Variants in CENPU observed in about 807,000 individuals in gnomAD.
CENPU encodes KSHV latent nuclear antigen interacting protein 1.
CENPU carries 46 observed loss-of-function variants against 56.7 expected under a neutral mutation model. The observed-to-expected ratio is 0.81, with a 90% confidence interval of 0.64 to 1.04. The LOEUF is 1.04. Ranked by LOEUF, CENPU falls within the 50% of genes least tolerant of loss-of-function variation. The pLI is 0.00. For synonymous variants in CENPU, 166 were observed against 163.0 expected, an observed-to-expected ratio of 1.02 and a Z score of -0.14; for missense variants, 510 against 490.1, an observed-to-expected ratio of 1.04 and a Z score of -0.38.
intron 4 of CENPU, among the ~76,000 whole-genome samples, chr4:184,721,509 A>G (rs148638058): frequency 2.0e-5 from 3 of 152,070 alleles, no homozygotes; most frequent in African/African-American, 7.2e-5. Context: ...TACAAGAAAC[A>G]CATTTCACCT....
intron 5 of CENPU, among the ~76,000 whole-genome samples, chr4:184,716,924 T>C (rs1021838921): frequency 1.4e-4 from 22 of 152,340 alleles, no homozygotes; most frequent in Admixed American, 1.2e-3. Context: ...ACCTCTTTAA[T>C]GAAAAACACT....
intron 4 of CENPU, among the ~76,000 whole-genome samples, chr4:184,719,074 CAGGAG>C (rs1447382093): frequency 2.6e-5 from 4 of 152,032 alleles, no homozygotes; most frequent in Non-Finnish European, 4.4e-5. Context: ...AAGAAAAAAA[CAGGAG>C]AGGAAACAGC....
intron 7 of CENPU, chr4:184,710,439 T>C (rs1760883855): frequency 6.5e-6 from 2 of 309,616 alleles, no homozygotes; most frequent in Non-Finnish European, 5.9e-6. Flanking sequence ...TGCCTTTTAA[T>C]CACCTTACTG....
chr4:184,699,442 G>C (rs1760456514), intron 11 of CENPU: 1 of 558,326 alleles, frequency 1.8e-6, no homozygotes, highest in Non-Finnish European at 3.0e-6. Flanking sequence ...TATCTCATAG[G>C]ACTGTGATGA....
chr4:184,698,648 C>T (rs1176019338), intron 11 of CENPU, among the ~76,000 whole-genome samples: 1 of 152,160 alleles, frequency 6.6e-6, no homozygotes, highest in Non-Finnish European at 1.5e-5. Flanking sequence ...CGGGGTTTCA[C>T]CATGTTGGCC....
Position 184,725,046 on chromosome 4 carries a change from G to A in CENPU, c.231C>T (p.Ser77=). 2 of 1,607,804 alleles carry A rather than the reference G, an allele frequency of 1.2e-6. No individual in the cohort carries two copies. Among genetic ancestry groups the A allele is most frequent in the Non-Finnish European group, 1.7e-6 (2 of 1,176,672 alleles). ...TYETFDPPLH[S]TAIYADEEEF... ...CTTCTTCATCAGCATATATAGCTGT[G>A]CTATGTAAAGGAGGATCTTTCAAAA... Residue 77 remains serine, a synonymous_variant, in exon 4 of 13, where the codon AGC becomes AGT. Transcript: ENST00000281453.
At chr4:184,728,335 T>C (rs192724747) in intron 3 of CENPU, among the ~76,000 whole-genome samples, 152 of 152,324 alleles carry the variant, frequency 1.0e-3, no homozygotes, top group African/African-American at 3.5e-3. Flanking sequence ...TAAAACTTAT[T>C]CCAGCAAAAA....
intron 7 of CENPU, among the ~76,000 whole-genome samples, chr4:184,710,569 C>T (rs1430926954): frequency 2.6e-5 from 4 of 152,148 alleles, no homozygotes; most frequent in African/African-American, 9.7e-5. Flanking sequence ...AGCAAGATTA[C>T]TCAGTGTATT....
chr4:184,711,087 G>A (rs1236821082), intron 7 of CENPU, among the ~76,000 whole-genome samples: 3 of 149,888 alleles, frequency 2.0e-5, no homozygotes, highest in Non-Finnish European at 2.9e-5. Flanking sequence ...GAACTCCTGG[G>A]CTCAAGCAAT....
rs1451239086 is a variant in CENPU, at chr4:184,697,754, C to CT, written c.1035dup (p.Glu346ArgfsTer7). ...GCATTCCTAAGGGAAGACTTTCTCT[C>CT]TTTAAGTTCATCATATTTTGTTTGT... On this transcript the variant is annotated frameshift_variant, in exon 12 of 13. Transcript: ENST00000281453. LOFTEE classifies it high-confidence loss of function. The CT allele has an allele frequency of 1.9e-6, 3 of 1,611,942 alleles. No individual in the cohort carries two copies. The highest frequency in any genetic ancestry group is 2.5e-6 in the Non-Finnish European group (3 of 1,179,434).
intron 6 of CENPU, among the ~76,000 whole-genome samples, chr4:184,714,905 CAGTA>C (rs34355806): frequency 0.17 from 25,892 of 150,216 alleles, 2,393 homozygotes; most frequent in African/African-American, 0.25. Context: ...AAAAACAAAA[CAGTA>C]AGTAAGGAGA....
chr4:184,732,985 C>A (rs1212072680), intron 1 of CENPU, among the ~76,000 whole-genome samples: 41 of 114,846 alleles, frequency 3.6e-4, no homozygotes, highest in African/African-American at 1.3e-3. Flanking sequence ...GACTCCGTCT[C>A]AAAAAAAAAA....
chr4:184,700,985 G>T, intron 10 of CENPU, 104 bp from the exon 11 acceptor site: 1 of 861,582 alleles, frequency 1.2e-6, no homozygotes, highest in Non-Finnish European at 1.9e-6. Context: ...GACAGACCCA[G>T]TTCTTACCAT....
chr4:184,732,267 A>G (rs1761675231), intron 1 of CENPU, among the ~76,000 whole-genome samples: 1 of 152,142 alleles, frequency 6.6e-6, no homozygotes, highest in Non-Finnish European at 1.5e-5. Flanking sequence ...AAAGTTAGAA[A>G]ACTGTTCAGA....
rs764417543 is a variant in CENPU, at chr4:184,694,776, GTAAC to G, written c.*508_*511del. The G allele has an allele frequency of 4.0e-5, 65 of 1,605,732 alleles. No homozygotes were observed. The highest frequency in any genetic ancestry group is 5.4e-5 in the Non-Finnish European group (63 of 1,172,944). On this transcript the variant is annotated 3_prime_UTR_variant, in exon 13 of 13. Coordinates refer to ENST00000281453, the MANE Select transcript of CENPU (RefSeq NM_024629.4). ...AACTAATTATAGAAGTATTACAAGA[GTAAC>G]TAATTCACTATGAACACTTTTGTCA...
At position 184,733,947 on chromosome 4, in the gene CENPU, C is replaced by T. The variant is rs1443777260; in HGVS notation, c.47+69G>A. On this transcript the variant is annotated intron_variant, in intron 1 of 12. Transcript: ENST00000281453. The stretch of plus-strand genomic sequence containing the variant: ...CACCAACAGCGCCGGGAGGCGCAAA[C>T]CACGGCAGGCGAGGAAGCAGTTCAA... 11 of 1,602,828 alleles carry T rather than the reference C, an allele frequency of 6.9e-6. No individual in the cohort carries two copies. In the South Asian group the frequency reaches 8.8e-5, roughly 13 times the overall value.
intron 4 of CENPU, 58 bp downstream of exon 4, chr4:184,724,899 G>T: frequency 8.9e-7 from 1 of 1,117,876 alleles, no homozygotes; most frequent in Non-Finnish European, 1.3e-6. Context: ...CTATCTTAAA[G>T]AGTTTCTCAG....
chr4:184,699,574 C>A, intron 11 of CENPU: 1 of 1,288,972 alleles, frequency 7.8e-7, no homozygotes, highest in Non-Finnish European at 1.0e-6. Context: ...CAGTGAAAAC[C>A]TTACCATAGG....
At chr4:184,698,512 G>A (rs146761602) in intron 11 of CENPU, among the ~76,000 whole-genome samples, 2,093 of 152,170 alleles carry the variant, frequency 0.014, 43 homozygotes, top group African/African-American at 0.046. Context: ...GTGCAGTGGC[G>A]TGATCTCAGC....
Sources: allele counts gnomAD v4.1 joint callset (sites outside exome capture counted in the v4.1 genomes callset), GRCh38; gene constraint gnomAD v4.1.1; transcripts MANE v1.5; gene names NCBI Gene and HGNC (gene_info 2026-07-23, HGNC 2026-07-21).